Variants in DAPK1 observed in about 807,000 individuals in gnomAD.
DAPK1 encodes the protein death associated protein kinase 1.
DAPK1 carries 56 observed loss-of-function variants against 144.9 expected under a neutral mutation model. The ratio of observed to expected loss-of-function variants is 0.39; its 90% confidence interval spans 0.31 to 0.48. The LOEUF (loss-of-function observed/expected upper bound fraction) is 0.48. Among genes scored for constraint, DAPK1 ranks in the 20% least tolerant of loss-of-function variants. The pLI is 0.95. For synonymous variants in DAPK1, 690 were observed against 749.0 expected (o/e 0.92, Z 1.29); for missense variants, 1,454 against 1,875.4 (o/e 0.78, Z 4.15).
At chr9:87,581,409 G>A (rs1827748699) in intron 2 of DAPK1, among the ~76,000 whole-genome samples, 2 of 151,502 alleles carry the variant, frequency 1.3e-5, no homozygotes, top group Admixed American at 1.3e-4. Context: ...CCATGATGAT[G>A]GAATCAAGCT....
intron 14 of DAPK1, 130 bp from the exon 15 acceptor site, chr9:87,648,651 C>G (rs1830343042): frequency 1.3e-6 from 1 of 758,198 alleles, no homozygotes; most frequent in South Asian, 1.7e-5. Flanking sequence ...GGGCATCTGC[C>G]CAAGGTGGGT....
At chr9:87,647,050 CA>C (rs141590692) in intron 13 of DAPK1, among the ~76,000 whole-genome samples, 7 of 151,884 alleles carry the variant, frequency 4.6e-5, no homozygotes, top group African/African-American at 1.2e-4. Context: ...TTTTGATTTA[CA>C]AAAAAAAGTT....
intron 2 of DAPK1, among the ~76,000 whole-genome samples, chr9:87,500,438 G>A (rs1300614575): frequency 1.3e-5 from 2 of 152,116 alleles, no homozygotes; most frequent in African/African-American, 2.4e-5. Flanking sequence ...CTTTACTGTG[G>A]TTTTCAGCAA....
intron 3 of DAPK1, among the ~76,000 whole-genome samples, chr9:87,626,288 G>A (rs965608971): frequency 2.0e-5 from 3 of 152,082 alleles, no homozygotes; most frequent in Admixed American, 6.6e-5. Flanking sequence ...GGTGGTGCAC[G>A]CCTGTAATCC....
In DAPK1 at chr9:87,604,996, C is replaced by T. The variant is rs557822058; in HGVS notation, c.105C>T (p.Thr35=). The T allele has an allele frequency of 6.2e-6, 10 of 1,614,096 alleles. No homozygotes were observed. Among genetic ancestry groups the T allele is most frequent in the East Asian group, 4.5e-5 (2 of 44,878 alleles). ...TGAAGAAATGCCGTGAGAAAAGCACCGGCCTCCAGTATGCCGCCAAATTCA... is the reference window on the plus strand; with the variant it reads ...TGAAGAAATGCCGTGAGAAAAGCACTGGCCTCCAGTATGCCGCCAAATTCA... ...AVVKKCREKS[T]GLQYAAKFIK... Residue 35 remains threonine (T), a synonymous_variant, in exon 3 of 26, where the codon ACC becomes ACT. Transcript: ENST00000408954.
At position 87,657,823 on chromosome 9, in the gene DAPK1, GAAGCTCCTCTTTTAATTGCA is replaced by G. The variant is rs1416692226; in HGVS notation, c.1825-202_1825-183del. On this transcript the variant is annotated intron_variant, in intron 17 of 25. Transcript: ENST00000408954. ...TAAGTTATCTTTGAAGTTGTATTTT[GAAGCTCCTCTTTTAATTGCA>G]AAGTACTTGGAAAGGTTCTGCCTGG... is the stretch of plus-strand genomic sequence containing the variant. The G allele has an allele frequency of 1.9e-4, 111 of 576,140 alleles. No homozygotes were observed. The Admixed American group carries it at 3.0e-3, about 16-fold the overall frequency. The allele number at this position is 576,140 out of a possible 1,614,324, so 35.7% of individuals were successfully genotyped here. A position where few individuals can be genotyped will look rare whatever the true frequency, so the allele number is the denominator to read the frequency against.
chr9:87,502,482 G>T (rs1824439494), intron 2 of DAPK1, among the ~76,000 whole-genome samples: 1 of 152,092 alleles, frequency 6.6e-6, no homozygotes, highest in African/African-American at 2.4e-5. Context: ...CTTATCAGTT[G>T]GCACCTCGGG....
chr9:87,661,984 T>C (rs1241084442), intron 18 of DAPK1, among the ~76,000 whole-genome samples: 1 of 152,240 alleles, frequency 6.6e-6, no homozygotes, highest in Non-Finnish European at 1.5e-5. Flanking sequence ...TAATCTATCT[T>C]GAGTTGACTT....
intron 2 of DAPK1, among the ~76,000 whole-genome samples, chr9:87,562,279 A>G (rs928812694): frequency 2.6e-5 from 4 of 152,240 alleles, no homozygotes. Context: ...AAACAACCCC[A>G]ATAGCGAACG....
At chr9:87,555,054 G>A (rs1861834) in intron 2 of DAPK1, among the ~76,000 whole-genome samples, 1 of 152,244 alleles carries the variant, frequency 6.6e-6, no homozygotes, top group African/African-American at 2.4e-5. Flanking sequence ...GAGCAAAGAA[G>A]TGGGGAAAGC....
Position 87,646,550 on chromosome 9 carries a change from C to T in DAPK1, c.1221C>T (p.Val407=), listed in dbSNP as rs1360387748. 6 of 1,606,722 alleles carry T rather than the reference C, an allele frequency of 3.7e-6. No individual in the cohort carries two copies. The African/African-American group carries it at 6.7e-5, about 18-fold the overall frequency. ...TTAAAAGAGGCTCGAGAATCGATGT[C>T]CAGGATAAGGTCATAATTGTTTTAT... ...LLIKRGSRID[V]QDKGGSNAVY... Residue 407 remains valine, a synonymous_variant, in exon 13 of 26, where the codon GTC becomes GTT. Transcript: ENST00000408954.
intron 6 of DAPK1, 41 bp from the exon 7 acceptor site, chr9:87,639,748 T>A: frequency 6.2e-7 from 1 of 1,613,072 alleles, no homozygotes; most frequent in Non-Finnish European, 8.5e-7. Flanking sequence ...ATTTGACTAT[T>A]CTTCTGACAT....
At chr9:87,622,548 G>A (rs527630935) in intron 3 of DAPK1, among the ~76,000 whole-genome samples, 1 of 152,234 alleles carries the variant, frequency 6.6e-6, no homozygotes, top group South Asian at 2.1e-4. Flanking sequence ...GAAAAAAAAA[G>A]ATTGCTTTTG....
At chr9:87,609,571 A>T (rs1465701121) in intron 3 of DAPK1, among the ~76,000 whole-genome samples, 10 of 152,196 alleles carry the variant, frequency 6.6e-5, no homozygotes, top group Admixed American at 6.5e-4. Flanking sequence ...AAATCTGTCC[A>T]GGAGAAACAG....
chr9:87,615,037 G>A (rs1829048627), intron 3 of DAPK1, among the ~76,000 whole-genome samples: 1 of 152,336 alleles, frequency 6.6e-6, no homozygotes, highest in East Asian at 1.9e-4. Flanking sequence ...GGTCATGAGA[G>A]CATTGCTTTA....
chr9:87,568,694 G>A lies in DAPK1; in HGVS notation c.63-36260G>A, dbSNP rs116181725. On this transcript the variant is annotated intron_variant, in intron 2 of 25. Coordinates refer to ENST00000408954, the MANE Select transcript of DAPK1 (RefSeq NM_004938.4). ...ATATGGAAGGGGAAGGCTGTCACATGTACCTTGTGTGATGCACCCAAGTTA... is the reference window on the plus strand; with the variant it reads ...ATATGGAAGGGGAAGGCTGTCACATATACCTTGTGTGATGCACCCAAGTTA... 4.6e-3 allele frequency among the ~76,000 whole-genome samples: 704 copies of A among 152,298 alleles called. 12 individuals are homozygous for A. The highest frequency in any genetic ancestry group is 0.016 in the African/African-American group (668 of 41,562).
intron 2 of DAPK1, among the ~76,000 whole-genome samples, chr9:87,546,369 T>G (rs570983335): frequency 6.6e-6 from 1 of 152,246 alleles, no homozygotes; most frequent in African/African-American, 2.4e-5. Context: ...CTGGCTAGTT[T>G]GGGGAATTTC....
In DAPK1 at chr9:87,569,231, C is replaced by T. The variant is rs1019382026; in HGVS notation, c.63-35723C>T. On this transcript the variant is annotated intron_variant, in intron 2 of 25. Coordinates refer to ENST00000408954, the MANE Select transcript of DAPK1 (RefSeq NM_004938.4). The stretch of plus-strand genomic sequence containing the variant: ...TTCAACAGCTCCCCTCCCCCACTGA[C>T]GATGGTTGAGAATTACTACTCCAGT... Among the ~76,000 whole-genome samples the T allele has an allele frequency of 5.3e-5, 8 of 152,076 alleles. No homozygotes were observed. The East Asian group carries it at 5.8e-4, about 11-fold the overall frequency.
intron 2 of DAPK1, among the ~76,000 whole-genome samples, chr9:87,507,415 G>A (rs960011711): frequency 6.6e-6 from 1 of 152,164 alleles, no homozygotes; most frequent in Non-Finnish European, 1.5e-5. Flanking sequence ...ATGTTAGTCT[G>A]GCTGGTCTTG....
Sources: allele counts gnomAD v4.1 joint callset (sites outside exome capture counted in the v4.1 genomes callset), GRCh38; gene constraint gnomAD v4.1.1; transcripts MANE v1.5; gene names NCBI Gene and HGNC (gene_info 2026-07-23, HGNC 2026-07-21).